KIRREL3: variants seen among roughly 807,000 people sequenced by gnomAD.
KIRREL3 encodes kin of IRRE-like protein 3.
In KIRREL3, 36 loss-of-function variants were observed where a neutral mutation model predicts 89.7. The observed-to-expected ratio is 0.40, with a 90% CI of 0.31 to 0.53. The LOEUF (loss-of-function observed/expected upper bound fraction) is 0.53. KIRREL3 is among the 20% of genes least tolerant of loss of function. KIRREL3 has a pLI of 0.49. For missense variants in KIRREL3, 864 were observed against 1,056.6 expected (o/e 0.82, Z 2.53); for synonymous variants, 445 against 441.4 (o/e 1.01, Z -0.10).
intron 1 of KIRREL3, among the ~76,000 whole-genome samples, chr11:126,825,840 T>C (rs759604358): frequency 1.1e-4 from 16 of 152,330 alleles, no homozygotes; most frequent in Non-Finnish European, 1.8e-4. Context: ...ATTAAGTAAC[T>C]TGCCCAAGGT....
At position 126,521,672 on chromosome 11, in the gene KIRREL3, CTGTATGTGTG is replaced by C. The variant is rs1469270156; in HGVS notation, c.284-218_284-209del. On this transcript the variant is annotated intron_variant, in intron 3 of 16. Coordinates refer to ENST00000525144, the MANE Select transcript of KIRREL3 (RefSeq NM_032531.4). This position sits in a 1 kb window ranked among gnomAD's most constrained non-coding sequence, Gnocchi z 4.1. The stretch of plus-strand genomic sequence containing the variant: ...AGGTGTTGGTTCTCTCTCTCTCTCT[CTGTATGTGTG>C]TGTGTGTGTGTGTGTGTGTGTGTGT... Among the ~76,000 whole-genome samples the C allele has an allele frequency of 5.3e-3, 226 of 42,982 alleles. No homozygotes were observed. Among genetic ancestry groups the C allele is most frequent in the African/African-American group, 0.037 (205 of 5,510 alleles). The allele number at this position is 42,982 out of a possible 152,430, so 28.2% of individuals were successfully genotyped here.
chr11:126,431,377 T>C lies in KIRREL3; in HGVS notation c.1696+42A>G, dbSNP rs1955121565. ...CGGGGCAGCCTAAGCCTGGCCTTTT[T>C]CTCTGTCCCCCTCCCTGAGATCCCG... is the stretch of plus-strand genomic sequence containing the variant. On this transcript the variant is annotated intron_variant, in intron 14 of 16. Transcript: ENST00000525144. The surrounding 1 kb of genome is among the most constrained non-coding windows in gnomAD (Gnocchi z 7.1). The C allele has an allele frequency of 1.2e-6, 2 of 1,610,228 alleles. No homozygotes were observed. Among genetic ancestry groups the C allele is most frequent in the African/African-American group, 1.3e-5 (1 of 74,822 alleles).
At chr11:126,907,430 T>A (rs149161134) in intron 1 of KIRREL3, among the ~76,000 whole-genome samples, 10 of 152,310 alleles carry the variant, frequency 6.6e-5, no homozygotes, top group Admixed American at 3.9e-4. Context: ...TCATTTCCAA[T>A]GGCACACAAC....
chr11:126,445,691 T>C (rs1955762771), intron 9 of KIRREL3, among the ~76,000 whole-genome samples: 1 of 152,174 alleles, frequency 6.6e-6, no homozygotes, highest in African/African-American at 2.4e-5. Context: ...CCTTTCTATG[T>C]ATGGAGGCTG....
At chr11:126,580,177 CTG>C (rs1288475100) in intron 1 of KIRREL3, among the ~76,000 whole-genome samples, 1 of 152,144 alleles carries the variant, frequency 6.6e-6, no homozygotes, top group Non-Finnish European at 1.5e-5. Flanking sequence ...GCACTTGTCA[CTG>C]TGTCTGGTCC....
Position 126,430,204 on chromosome 11 carries a change from G to A in KIRREL3, c.1697-916C>T, listed in dbSNP as rs1292002421. ...TCACGCCTGTAATCCCAGCACATTGGGAGGCCGAGGAAGGCGGACCACTTG... is the reference window on the plus strand; with the variant it reads ...TCACGCCTGTAATCCCAGCACATTGAGAGGCCGAGGAAGGCGGACCACTTG... On this transcript the variant is annotated intron_variant, in intron 14 of 16. Coordinates refer to ENST00000525144, the MANE Select transcript of KIRREL3 (RefSeq NM_032531.4). The surrounding 1 kb of genome is among the most constrained non-coding windows in gnomAD (Gnocchi z 6.6). 1.3e-5 allele frequency among the ~76,000 whole-genome samples: 2 copies of A among 152,052 alleles called. No homozygotes were observed. The highest frequency in any genetic ancestry group is 4.8e-5 in the African/African-American group (2 of 41,368).
intron 1 of KIRREL3, among the ~76,000 whole-genome samples, chr11:126,887,497 C>G (rs1254735145): frequency 6.6e-6 from 1 of 152,108 alleles, no homozygotes; most frequent in Non-Finnish European, 1.5e-5. Context: ...AGGGTCACTG[C>G]TCTCTCCTCA....
chr11:126,998,884 G>C (rs1229493488), intron 1 of KIRREL3, among the ~76,000 whole-genome samples: 1 of 151,948 alleles, frequency 6.6e-6, no homozygotes, highest in African/African-American at 2.4e-5. Context: ...AAAACTTCCT[G>C]AGTGAACTGG....
At position 126,991,647 on chromosome 11, in the gene KIRREL3, G is replaced by A. The variant is rs916832805; in HGVS notation, c.55+8808C>T. The stretch of plus-strand genomic sequence containing the variant: ...AAAGAAACTGACTCAGAAAGAGTCT[G>A]GAATAAAAAAGAAATTGAACTACAA... On this transcript the variant is annotated intron_variant, in intron 1 of 16. Transcript: ENST00000525144. This position sits in a 1 kb window ranked among gnomAD's most constrained non-coding sequence, Gnocchi z 5.8. 1.3e-5 allele frequency among the ~76,000 whole-genome samples: 2 copies of A among 152,084 alleles called. No homozygotes were observed. Among genetic ancestry groups the A allele is most frequent in the African/African-American group, 2.4e-5 (1 of 41,412 alleles).
At chr11:126,502,492 A>T (rs898803444) in intron 4 of KIRREL3, among the ~76,000 whole-genome samples, 2 of 151,538 alleles carry the variant, frequency 1.3e-5, no homozygotes, top group African/African-American at 4.9e-5. Flanking sequence ...AGTGCTAAAA[A>T]CCTCCCTCTG....
At chr11:126,481,831 C>G (rs1387623814) in intron 4 of KIRREL3, among the ~76,000 whole-genome samples, 1 of 152,176 alleles carries the variant, frequency 6.6e-6, no homozygotes, top group Non-Finnish European at 1.5e-5. Context: ...AGTAATTCAC[C>G]CACCATGTGC....
rs1222470059 is a variant in KIRREL3, at chr11:126,883,394, TGCATCCCTCTCTATCTATGTTCCAG to T, written c.55+117036_55+117060del. 6.6e-6 allele frequency among the ~76,000 whole-genome samples: 1 copy of T among 152,204 alleles called. No homozygotes were observed. Among genetic ancestry groups the T allele is most frequent in the Non-Finnish European group, 1.5e-5 (1 of 68,038 alleles). ...CGCACTTCCTGTCACCTCTCTCTCCTGCATCCCTCTCTATCTATGTTCCAGGCACACGGGACTTTGCATTACTTCC... is the reference window on the plus strand; with the variant it reads ...CGCACTTCCTGTCACCTCTCTCTCCTGCACACGGGACTTTGCATTACTTCC... On this transcript the variant is annotated intron_variant, in intron 1 of 16. Coordinates refer to ENST00000525144, the MANE Select transcript of KIRREL3 (RefSeq NM_032531.4). This position sits in a 1 kb window ranked among gnomAD's most constrained non-coding sequence, Gnocchi z 4.1.
chr11:126,765,324 C>T (rs1166249520), intron 1 of KIRREL3, among the ~76,000 whole-genome samples: 15 of 152,166 alleles, frequency 9.9e-5, no homozygotes, highest in Non-Finnish European at 5.9e-5. Flanking sequence ...CTTATCTACA[C>T]ATGAGAGTCA....
chr11:126,851,988 A>G (rs908489461), intron 1 of KIRREL3, among the ~76,000 whole-genome samples: 5 of 150,584 alleles, frequency 3.3e-5, no homozygotes, highest in Non-Finnish European at 7.4e-5. Flanking sequence ...GCCTGACCCT[A>G]CTGGCTTTCC....
chr11:126,429,206 C>G lies in KIRREL3; in HGVS notation c.1779G>C (p.Glu593Asp), dbSNP rs759377225. ...TCAGCTGCTTGATGGTGGAGTGCTC[C>G]TCACCCTCCCGACCAGAGGCTGGTT... ...HKEPASGREG[E>D]EHSTIKQLMM... The change falls in exon 15 of 17, where the codon GAG becomes GAC. Residue 593 changes from glutamate (E) to aspartate (D), a missense_variant. Glu to Asp is a conservative substitution (Grantham distance 45, BLOSUM62 2). Transcript: ENST00000525144. This position sits in a 1 kb window ranked among gnomAD's most constrained non-coding sequence, Gnocchi z 5.2. 11 of 1,613,238 alleles carry G rather than the reference C, an allele frequency of 6.8e-6. No individual in the cohort carries two copies. The highest frequency in any genetic ancestry group is 9.3e-6 in the Non-Finnish European group (11 of 1,179,324).
At chr11:126,756,300 C>CCTTCT (rs1371561824) in intron 1 of KIRREL3, among the ~76,000 whole-genome samples, 1 of 152,204 alleles carries the variant, frequency 6.6e-6, no homozygotes, top group African/African-American at 2.4e-5. Context: ...TTCTTCTCAC[C>CCTTCT]CTTCAAAATG....
rs117578420 is a variant in KIRREL3 at position 126,694,145 on chromosome 11, T to C, written c.56-131233A>G. ...CCATCCCTAAGGGAGCCACATTCGT[T>C]TTTTTTCCTTTCAAAGTCGTCAGGC... On this transcript the variant is annotated intron_variant, in intron 1 of 16. Coordinates refer to ENST00000525144, the MANE Select transcript of KIRREL3 (RefSeq NM_032531.4). The surrounding 1 kb of genome is among the most constrained non-coding windows in gnomAD (Gnocchi z 4.4). Among the ~76,000 whole-genome samples, 6,700 of 152,322 alleles carry C rather than the reference T, an allele frequency of 0.044. 193 individuals are homozygous for C. Among genetic ancestry groups the C allele is most frequent in the Non-Finnish European group, 0.06 (4,091 of 68,024 alleles).
intron 1 of KIRREL3, among the ~76,000 whole-genome samples, chr11:126,819,005 T>C (rs1951679297): frequency 1.3e-5 from 2 of 152,062 alleles, no homozygotes; most frequent in South Asian, 4.1e-4. Flanking sequence ...ATGAACCTGG[T>C]TGGTGGGCGA....
chr11:126,895,185 G>A (rs1351169424), intron 1 of KIRREL3, among the ~76,000 whole-genome samples: 2 of 152,170 alleles, frequency 1.3e-5, no homozygotes, highest in African/African-American at 2.4e-5. Context: ...GAAGAAGGCC[G>A]GGTGCAGTGG....
Sources: gnomAD v4.1 joint callset for allele counts (sites outside exome capture counted in the v4.1 genomes callset) on GRCh38, gnomAD v4.1.1 for gene constraint, Gnocchi (gnomAD v3.1) non-coding constraint, MANE v1.5 for transcripts, NCBI Gene and HGNC (gene_info 2026-07-23, HGNC 2026-07-21) for gene names.